Variants in ZNF112 observed in about 807,000 individuals in gnomAD.
ZNF112 encodes the protein zinc finger protein 112 (Y14).
A neutral mutation model predicts 77.7 loss-of-function variants in ZNF112; 37 were observed. That is an observed-to-expected ratio of 0.48 (90% CI 0.37 to 0.63). ZNF112 has a LOEUF of 0.63. ZNF112 is among the 20% of genes least tolerant of loss of function. ZNF112 has a pLI of 0.00. For synonymous variants in ZNF112, 333 were observed against 363.6 expected (o/e 0.92, Z 0.96); for missense variants, 950 against 1,077.4 (o/e 0.88, Z 1.66).
chr19:44,354,700 G>A (rs142470502), intron 1 of ZNF112, among the ~76,000 whole-genome samples: 88 of 152,302 alleles, frequency 5.8e-4, no homozygotes, highest in Non-Finnish European at 1.0e-3. Context: ...CTTGTACGAT[G>A]TGCTGGGCAC....
chr19:44,359,315 C>CTTTTTTTTTTTTT (rs767955186), upstream of ZNF112, among the ~76,000 whole-genome samples: 6 of 54,858 alleles, frequency 1.1e-4, 1 homozygote, highest in African/African-American at 2.1e-4. Flanking sequence ...TATTAGAGTT[C>CTTTTTTTTTTTTT]TTTTTTTTTT....
In ZNF112 at chr19:44,347,449, C is replaced by A. The variant is rs553090482; in HGVS notation, c.-3-6907G>T. ...CCTGTTTGTCCTCCCTGATTTTGTC[C>A]CTCTATTACCCCTTTTTCTGCCTTC... is the stretch of plus-strand genomic sequence containing the variant. On this transcript the variant is annotated intron_variant, in intron 1 of 3. Transcript: ENST00000354340. 1.5e-3 allele frequency among the ~76,000 whole-genome samples: 213 copies of A among 143,912 alleles called. 1 individual carries two copies. Among genetic ancestry groups the A allele is most frequent in the African/African-American group, 5.1e-3 (204 of 39,744 alleles). 94.4% of individuals were successfully genotyped at this position (143,912 alleles called of 152,430 possible). A position where few individuals can be genotyped will look rare whatever the true frequency, so the allele number is the denominator to read the frequency against.
In ZNF112 at chr19:44,331,275, C is replaced by A. The variant is rs144551151; in HGVS notation, c.221-1339G>T. Among the ~76,000 whole-genome samples, 386 of 152,280 alleles carry A rather than the reference C, an allele frequency of 2.5e-3. 3 individuals carry two copies. Among genetic ancestry groups the A allele is most frequent in the Middle Eastern group, 0.01 (3 of 294 alleles). ...ACCTGTAGGTGTCCTCTGAGGTGCT[C>A]ATTAGCCAGGAACAGAACTCAATGA... On this transcript the variant is annotated intron_variant, in intron 3 of 3. Coordinates refer to ENST00000354340, the MANE Select transcript of ZNF112 (RefSeq NM_013380.4).
intron 1 of ZNF112, among the ~76,000 whole-genome samples, chr19:44,355,817 T>C (rs1187300458): frequency 1.3e-5 from 2 of 152,234 alleles, no homozygotes; most frequent in African/African-American, 4.8e-5. Context: ...TGAACAAATA[T>C]CAGCGCATCT....
At chr19:44,352,179 T>A (rs1158287778) in intron 1 of ZNF112, among the ~76,000 whole-genome samples, 1 of 151,996 alleles carries the variant, frequency 6.6e-6, no homozygotes, top group Non-Finnish European at 1.5e-5. Context: ...TACATGACAA[T>A]GCAATTGTCA....
rs775716809 is a variant in ZNF112, at chr19:44,329,821, C to A, written c.336G>T (p.Arg112Ser). The change falls in exon 4 of 4, where the codon AGG becomes AGT. Residue 112 changes from arginine to serine, a missense_variant. Around this residue, in one of 3 missense-constraint regions of ZNF112, gnomAD observed 560 missense variants for 557.3 expected, o/e 1.00. Transcript: ENST00000354340. ...TWQQSAGGLI[R>S]CQDFLKVFQG... ...GAAAAACTTTCAGGAAATCTTGACA[C>A]CTGATTAACCCACCTGCACTTTGTT... 49 of 1,613,938 alleles carry A rather than the reference C, an allele frequency of 3.0e-5. No individual in the cohort carries two copies. Among genetic ancestry groups the A allele is most frequent in the Non-Finnish European group, 4.2e-5 (49 of 1,179,986 alleles).
intron 1 of ZNF112, among the ~76,000 whole-genome samples, chr19:44,349,639 T>C (rs1420976408): frequency 6.6e-6 from 1 of 152,002 alleles, no homozygotes; most frequent in Non-Finnish European, 1.5e-5. Context: ...AAAAAAATAA[T>C]GAAAATGAGG....
intron 3 of ZNF112, among the ~76,000 whole-genome samples, chr19:44,333,937 G>C (rs1175369914): frequency 6.6e-6 from 1 of 152,274 alleles, no homozygotes; most frequent in South Asian, 2.1e-4. Context: ...TAATAATTTG[G>C]AGGGTTCAGA....
intron 2 of ZNF112, among the ~76,000 whole-genome samples, chr19:44,337,070 T>C (rs1202328198): frequency 6.6e-6 from 1 of 151,142 alleles, no homozygotes. Context: ...AGGGTCTCCC[T>C]GCATTGCCCA....
At chr19:44,354,133 A>C (rs936902341) in intron 1 of ZNF112, among the ~76,000 whole-genome samples, 1 of 152,142 alleles carries the variant, frequency 6.6e-6, no homozygotes, top group African/African-American at 2.4e-5. Context: ...ATATAGCATC[A>C]GTTCATTTAT....
intron 3 of ZNF112, among the ~76,000 whole-genome samples, chr19:44,331,664 C>A (rs1375882663): frequency 1.3e-5 from 2 of 152,176 alleles, no homozygotes; most frequent in Admixed American, 1.3e-4. Context: ...AATGTATTAT[C>A]CATGAAAACA....
intron 1 of ZNF112, among the ~76,000 whole-genome samples, chr19:44,362,278 A>T (rs1309488907): frequency 1.3e-5 from 2 of 152,078 alleles, no homozygotes; most frequent in African/African-American, 4.8e-5. Context: ...AGGAGGAGGA[A>T]GAGTAAGAGA....
rs890808763 is a variant in ZNF112, at chr19:44,329,165, C to T, written c.992G>A (p.Gly331Asp). 1.9e-6 allele frequency: 3 copies of T among 1,613,768 alleles called. No homozygotes were observed. The African/African-American group carries it at 4.0e-5, about 22-fold the overall frequency. The change falls in exon 4 of 4, where the codon GGT becomes GAT. Residue 331 changes from glycine to aspartate, a missense_variant. Gly to Asp is a moderately conservative substitution (Grantham distance 94). Around this residue, in one of 3 missense-constraint regions of ZNF112, gnomAD observed 560 missense variants for 557.3 expected, o/e 1.00. Coordinates refer to ENST00000354340, the MANE Select transcript of ZNF112 (RefSeq NM_013380.4). ...EEKPCKCGEYGENFNHCSPLN... is the reference protein window; with the variant it reads ...EEKPCKCGEYDENFNHCSPLN... The stretch of plus-strand genomic sequence containing the variant: ...AGGGGAACAGTGATTGAAGTTCTCA[C>T]CATATTCACCACATTTGCATGGTTT...
intron 1 of ZNF112, among the ~76,000 whole-genome samples, chr19:44,340,820 T>C (rs1046565428): frequency 2.0e-5 from 3 of 152,234 alleles, no homozygotes; most frequent in African/African-American, 7.2e-5. Context: ...GTAATAATAA[T>C]GTCATTTGCT....
chr19:44,349,367 G>GAA, intron 1 of ZNF112, among the ~76,000 whole-genome samples: 1 of 149,436 alleles, frequency 6.7e-6, no homozygotes, highest in African/African-American at 2.4e-5. Flanking sequence ...CCAAACACAA[G>GAA]AAAAAAAAAC....
chr19:44,328,571 T>C lies in ZNF112; in HGVS notation c.1586A>G (p.Asn529Ser). 9 of 1,611,488 alleles carry C rather than the reference T, an allele frequency of 5.6e-6. No homozygotes were observed. The highest frequency in any genetic ancestry group is 1.1e-5 in the South Asian group (1 of 90,806). Residue 529 changes from asparagine to serine, a missense_variant, in exon 4 of 4, where the codon AAT (asparagine) becomes AGT (serine). Asn to Ser is a conservative substitution (Grantham distance 46, BLOSUM62 1). This residue lies in a region of ZNF112 where 373 missense variants were observed against 482.8 expected (regional missense o/e 0.77). Coordinates refer to ENST00000354340, the MANE Select transcript of ZNF112 (RefSeq NM_013380.4). ...YKCNICGKGF[N>S]HRSVLNVHQR... ...ATGAACATTCAGAACTGATCTATGA[T>C]TGAAACCTTTGCCGCATATATTGCA...
In ZNF112 at chr19:44,327,202, T is replaced by C. The variant is rs899485857; in HGVS notation, c.*231A>G. 1.1e-5 allele frequency: 5 copies of C among 438,752 alleles called. No homozygotes were observed. The highest frequency in any genetic ancestry group is 1.2e-5 in the Non-Finnish European group (3 of 249,102). The allele number at this position is 438,752 out of a possible 1,614,324, so 27.2% of individuals were successfully genotyped here. A position where few individuals can be genotyped will look rare whatever the true frequency, so the allele number is the denominator to read the frequency against. On this transcript the variant is annotated 3_prime_UTR_variant, in exon 4 of 4. Coordinates refer to ENST00000354340, the MANE Select transcript of ZNF112 (RefSeq NM_013380.4). ...TGCTCATCACTGTACTTTTATTAAA[T>C]TCCTGACCATACTCATATTTTATAA...
rs1202787907 is a variant in ZNF112 at position 44,329,575 on chromosome 19, T to C, written c.582A>G (p.Gln194=). The change falls in exon 4 of 4, where the codon CAA becomes CAG. Residue 194 remains glutamine (Q), a synonymous_variant. Coordinates refer to ENST00000354340, the MANE Select transcript of ZNF112 (RefSeq NM_013380.4). ...TACAGAAATGATTTTTCATGGAAAT[T>C]TGCTGACATCTACACTGATAATTAT... The part of the protein sequence containing the change: ...ESHNYQCRCQ[Q]ISMKNHFCKC... 1.9e-6 allele frequency: 3 copies of C among 1,609,836 alleles called. No individual in the cohort carries two copies. In the African/African-American group the frequency reaches 4.1e-5, roughly 22 times the overall value.
intron 1 of ZNF112, chr19:44,343,231 G>C (rs1226024585): frequency 6.2e-7 from 1 of 1,612,572 alleles, no homozygotes; most frequent in Non-Finnish European, 8.5e-7. Flanking sequence ...CATGTAAAAC[G>C]GCATAAATGA....
Sources: gnomAD v4.1 joint callset for allele counts (sites outside exome capture counted in the v4.1 genomes callset) on GRCh38, gnomAD v4.1.1 for gene constraint, gnomAD v4.1.1 regional missense constraint, MANE v1.5 for transcripts, NCBI Gene and HGNC (gene_info 2026-07-23, HGNC 2026-07-21) for gene names.